The following RIT2 variants were observed in gnomAD, a reference collection of about 807,000 sequenced individuals.
RIT2 encodes the protein Ras like without CAAX 2.
RIT2 carries 24 observed loss-of-function variants against 23.7 expected under a neutral mutation model. The observed-to-expected ratio is 1.01, with a 90% CI of 0.73 to 1.43. RIT2 has a LOEUF of 1.43. Ranked by LOEUF, RIT2 falls within the 40% of genes most tolerant of loss-of-function variation. RIT2 has a pLI of 0.00. For missense variants in RIT2, 236 were observed against 266.9 expected (o/e 0.88, Z 0.81); for synonymous variants, 107 against 91.1 (o/e 1.17, Z -0.99).
intron 1 of RIT2, among the ~76,000 whole-genome samples, chr18:43,097,883 G>A (rs868826255): frequency 1.4e-4 from 22 of 151,930 alleles, no homozygotes; most frequent in Middle Eastern, 6.8e-3. Flanking sequence ...TCAGGAAAGA[G>A]GCATTTTTTA....
chr18:42,861,910 T>G (rs1907337756), intron 4 of RIT2, among the ~76,000 whole-genome samples: 1 of 152,212 alleles, frequency 6.6e-6, no homozygotes, highest in Admixed American at 6.5e-5. Context: ...AAGCATACTA[T>G]TTTGAATGCC....
At chr18:42,941,932 G>A (rs575490200) in intron 3 of RIT2, among the ~76,000 whole-genome samples, 77 of 152,182 alleles carry the variant, frequency 5.1e-4, no homozygotes, top group African/African-American at 1.6e-3. Flanking sequence ...CTAGTTAGTC[G>A]TAGAACTGGG....
Position 43,026,626 on chromosome 18 carries a change from AAGAAAGAAAGAG to A in RIT2, c.160+7173_160+7184del, listed in dbSNP as rs1445341163. On this transcript the variant is annotated intron_variant, in intron 2 of 4. Transcript: ENST00000326695. ...AAAGAAAGAAAGAAAGAAAGAAAGA[AAGAAAGAAAGAG>A]AGAAAGAAGGAAAGGCTGTAGATGA... Among the ~76,000 whole-genome samples the A allele has an allele frequency of 3.7e-3, 473 of 127,014 alleles. 3 individuals are homozygous for A. Among genetic ancestry groups the A allele is most frequent in the African/African-American group, 0.013 (453 of 35,760 alleles). 83.3% of individuals were successfully genotyped at this position (127,014 alleles called of 152,430 possible).
At chr18:42,840,110 A>T (rs149471255) in intron 4 of RIT2, among the ~76,000 whole-genome samples, 1 of 152,222 alleles carries the variant, frequency 6.6e-6, no homozygotes, top group Admixed American at 6.5e-5. Flanking sequence ...TGTATTGCAA[A>T]AAACTCCAAT....
intron 3 of RIT2, among the ~76,000 whole-genome samples, chr18:42,927,007 C>A (rs1304013265): frequency 6.6e-6 from 1 of 151,892 alleles, no homozygotes; most frequent in Non-Finnish European, 1.5e-5. Context: ...ACCAGTCTTA[C>A]AGGGCAGTAG....
At chr18:43,047,280 T>C (rs552767743) in intron 1 of RIT2, among the ~76,000 whole-genome samples, 1 of 152,248 alleles carries the variant, frequency 6.6e-6, no homozygotes, top group East Asian at 1.9e-4. Flanking sequence ...ATCCAACTAT[T>C]TCTCTCAATA....
chr18:42,763,483 C>T (rs1913352208), intron 4 of RIT2, among the ~76,000 whole-genome samples: 3 of 148,224 alleles, frequency 2.0e-5, no homozygotes, highest in Admixed American at 2.0e-4. Flanking sequence ...AAAAGGTACA[C>T]CTGTATGGGA....
intron 4 of RIT2, among the ~76,000 whole-genome samples, chr18:42,862,556 C>T (rs946949639): frequency 6.6e-6 from 1 of 152,164 alleles, no homozygotes; most frequent in African/African-American, 2.4e-5. Flanking sequence ...GATACAACCA[C>T]CTTTATCCAA....
intron 4 of RIT2, among the ~76,000 whole-genome samples, chr18:42,888,497 C>T (rs1221514678): frequency 1.3e-5 from 2 of 151,864 alleles, no homozygotes; most frequent in East Asian, 1.9e-4. Context: ...ATTCCCTTTT[C>T]GCCGCAGCCT....
intron 4 of RIT2, among the ~76,000 whole-genome samples, chr18:42,847,677 T>C (rs1352414711): frequency 6.6e-6 from 1 of 152,050 alleles, no homozygotes; most frequent in Non-Finnish European, 1.5e-5. Flanking sequence ...ATATTTTTAC[T>C]GCTGGAGAGA....
intron 4 of RIT2, among the ~76,000 whole-genome samples, chr18:42,847,646 G>T (rs1373327642): frequency 6.6e-6 from 1 of 151,876 alleles, no homozygotes; most frequent in African/African-American, 2.4e-5. Flanking sequence ...TTTTATTAAA[G>T]AGATTTAAGT....
At chr18:42,846,236 G>A (rs1410850505) in intron 4 of RIT2, among the ~76,000 whole-genome samples, 1 of 151,574 alleles carries the variant, frequency 6.6e-6, no homozygotes. Flanking sequence ...AAGCAAGTAG[G>A]ATTAATTATA....
chr18:43,048,523 C>A (rs76154586), intron 1 of RIT2, among the ~76,000 whole-genome samples: 1,866 of 152,186 alleles, frequency 0.012, 37 homozygotes, highest in African/African-American at 0.041. Context: ...GTTGCCTCAT[C>A]TATAATGTAG....
chr18:42,879,732 C>T lies in RIT2; in HGVS notation c.426+43840G>A, dbSNP rs1165416445. Among the ~76,000 whole-genome samples, 4 of 152,032 alleles carry T rather than the reference C, an allele frequency of 2.6e-5. No homozygotes were observed. In the East Asian group the frequency reaches 7.7e-4, roughly 29 times the overall value. On this transcript the variant is annotated intron_variant, in intron 4 of 4. Coordinates refer to ENST00000326695, the MANE Select transcript of RIT2 (RefSeq NM_002930.4). ...TTCATGTTCCTCAAATGATAGGTCACCCAATATTGTCTGCTAATAATTAAA... is the reference window on the plus strand; with the variant it reads ...TTCATGTTCCTCAAATGATAGGTCATCCAATATTGTCTGCTAATAATTAAA...
intron 4 of RIT2, among the ~76,000 whole-genome samples, chr18:42,793,235 GTTTAATT>G (rs1255956254): frequency 6.6e-6 from 1 of 152,088 alleles, no homozygotes; most frequent in Non-Finnish European, 1.5e-5. Flanking sequence ...CATCTTTTGA[GTTTAATT>G]TTTATCTATA....
At chr18:42,894,666 G>A (rs1158094285) in intron 4 of RIT2, among the ~76,000 whole-genome samples, 1 of 152,076 alleles carries the variant, frequency 6.6e-6, no homozygotes, top group Non-Finnish European at 1.5e-5. Flanking sequence ...GGAATAATGA[G>A]AGCAGTTTAT....
intron 2 of RIT2, among the ~76,000 whole-genome samples, chr18:43,030,187 A>G (rs1280703690): frequency 6.6e-6 from 1 of 152,112 alleles, no homozygotes; most frequent in Non-Finnish European, 1.5e-5. Flanking sequence ...TAGTGATATT[A>G]AAAATATTCA....
At chr18:42,904,157 G>C (rs959206564) in intron 4 of RIT2, among the ~76,000 whole-genome samples, 1 of 152,016 alleles carries the variant, frequency 6.6e-6, no homozygotes, top group South Asian at 2.1e-4. Flanking sequence ...TGATCAAGTA[G>C]ATTTACATAA....
At chr18:42,907,687 G>A (rs1908658624) in intron 4 of RIT2, among the ~76,000 whole-genome samples, 1 of 152,130 alleles carries the variant, frequency 6.6e-6, no homozygotes. Flanking sequence ...GAAATTATCT[G>A]TTAAAGATTT....
Sources: gnomAD v4.1 joint callset for allele counts (sites outside exome capture counted in the v4.1 genomes callset) on GRCh38, gnomAD v4.1.1 for gene constraint, MANE v1.5 for transcripts, NCBI Gene and HGNC (gene_info 2026-07-23, HGNC 2026-07-21) for gene names.